Variants in ZNF420 observed in about 807,000 individuals in gnomAD.
ZNF420 encodes zinc finger protein 420.
Under a neutral mutation model 44.7 loss-of-function variants are expected in ZNF420, and 31 were observed. The ratio of observed to expected loss-of-function variants is 0.69; its 90% CI spans 0.52 to 0.94. The LOEUF is 0.94. ZNF420 is among the 40% of genes least tolerant of loss of function. The pLI, the probability that ZNF420 is intolerant of heterozygous loss-of-function variation, is 0.00. For missense variants in ZNF420, 681 were observed against 827.9 expected (o/e 0.82, Z 2.18); for synonymous variants, 245 against 267.4 (o/e 0.92, Z 0.82).
At chr19:37,018,239 G>T (rs115903578) in intron 1 of ZNF420, among the ~76,000 whole-genome samples, 1 of 152,278 alleles carries the variant, frequency 6.6e-6, no homozygotes, top group African/African-American at 2.4e-5. Context: ...GCCATCTACA[G>T]ATTTCATGTA....
Position 37,129,939 on chromosome 19 carries a change from A to G in ZNF420, c.*881A>G. On this transcript the variant is annotated 3_prime_UTR_variant, in exon 5 of 5. Coordinates refer to ENST00000337995, the MANE Select transcript of ZNF420 (RefSeq NM_144689.5). ...AACTGATATTACAGACTATTTTGCA[A>G]TGAAAAATGATGAGAGTTTGTGATA... 3 of 1,383,816 alleles carry G rather than the reference A, an allele frequency of 2.2e-6. No individual in the cohort carries two copies. Among genetic ancestry groups the G allele is most frequent in the Non-Finnish European group, 2.8e-6 (3 of 1,059,734 alleles). 85.7% of individuals were successfully genotyped at this position (1,383,816 alleles called of 1,614,324 possible).
intron 3 of ZNF420, 130 bp downstream of exon 3, chr19:37,089,257 T>C (rs1968999479): frequency 1.2e-6 from 1 of 802,322 alleles, no homozygotes; most frequent in African/African-American, 1.7e-5. Context: ...GTTTGTCCCA[T>C]TCTGATAAGT....
chr19:37,127,634 A>G lies in ZNF420; in HGVS notation c.643A>G (p.Arg215Gly). 1 of 1,614,072 alleles carries G rather than the reference A, an allele frequency of 6.2e-7. No individual in the cohort carries two copies. The highest frequency in any genetic ancestry group is 8.5e-7 in the Non-Finnish European group (1 of 1,179,956). The change falls in exon 5 of 5, where the codon AGA (arginine) becomes GGA (glycine). Residue 215 changes from arginine (R) to glycine (G), a missense_variant. Physicochemically the swap from Arg to Gly is moderately radical, Grantham distance 125. Coordinates refer to ENST00000337995, the MANE Select transcript of ZNF420 (RefSeq NM_144689.5). ...AAGCTCACAACTTATTTTACATCAT[A>G]GAATTCATACTGGTGAAAAACCATA... ...TQSSQLILHH[R>G]IHTGEKPYKC...
At chr19:37,069,316 A>G (rs1018867068) in intron 1 of ZNF420, among the ~76,000 whole-genome samples, 7 of 152,168 alleles carry the variant, frequency 4.6e-5, no homozygotes, top group Admixed American at 1.3e-4. Flanking sequence ...AAAGACCTAT[A>G]TAGTTAAGAA....
At chr19:37,055,925 T>C (rs1024436982) in intron 1 of ZNF420, among the ~76,000 whole-genome samples, 1 of 152,174 alleles carries the variant, frequency 6.6e-6, no homozygotes, top group Admixed American at 6.5e-5. Context: ...AGGAAGCGTC[T>C]GCCTGTGTGC....
chr19:37,127,661 A>G lies in ZNF420; in HGVS notation c.670A>G (p.Lys224Glu). ...HRIHTGEKPY[K>E]CEECGKAFIR... ...AATTCATACTGGTGAAAAACCATAT[A>G]AATGTGAAGAATGTGGGAAAGCCTT... Residue 224 changes from lysine to glutamate, a missense_variant, in exon 5 of 5, where the codon AAA becomes GAA. Lys to Glu is a moderately conservative substitution (Grantham distance 56, BLOSUM62 1). Around this residue, in one of 3 missense-constraint regions of ZNF420, gnomAD observed 350 missense variants for 382.5 expected, o/e 0.92. Transcript: ENST00000337995. 3 of 1,613,722 alleles carry G rather than the reference A, an allele frequency of 1.9e-6. No homozygotes were observed. Among genetic ancestry groups the G allele is most frequent in the Non-Finnish European group, 2.5e-6 (3 of 1,179,858 alleles).
At chr19:37,092,941 G>A (rs544875948) in intron 4 of ZNF420, 1 of 152,060 alleles carries the variant, frequency 6.6e-6, no homozygotes, top group Non-Finnish European at 1.5e-5. Context: ...GCAATAAAAA[G>A]GAATGAAGTT....
intron 1 of ZNF420, among the ~76,000 whole-genome samples, chr19:37,031,505 T>C (rs1284687468): frequency 6.6e-6 from 1 of 152,054 alleles, no homozygotes; most frequent in Admixed American, 6.6e-5. Flanking sequence ...TTATGCATTT[T>C]CTTTTCTTTA....
chr19:37,050,263 G>A (rs577245282), intron 1 of ZNF420, among the ~76,000 whole-genome samples: 2 of 152,270 alleles, frequency 1.3e-5, no homozygotes, highest in South Asian at 2.1e-4. Context: ...AAAGTCATTG[G>A]TGGCTTGATG....
chr19:37,059,669 G>C (rs1967833529), intron 1 of ZNF420, among the ~76,000 whole-genome samples: 1 of 152,198 alleles, frequency 6.6e-6, no homozygotes, highest in South Asian at 2.1e-4. Flanking sequence ...CTCGAGGACA[G>C]GTCTGCCTGT....
At chr19:37,070,629 C>T (rs1380474104) in intron 1 of ZNF420, among the ~76,000 whole-genome samples, 1 of 151,928 alleles carries the variant, frequency 6.6e-6, no homozygotes, top group African/African-American at 2.4e-5. Flanking sequence ...GAGGAAGGGC[C>T]AATAAACAAG....
chr19:37,128,448 G>T lies in ZNF420; in HGVS notation c.1457G>T (p.Arg486Leu). 1.2e-6 allele frequency: 2 copies of T among 1,613,964 alleles called. No homozygotes were observed. Among genetic ancestry groups the T allele is most frequent in the South Asian group, 2.2e-5 (2 of 91,082 alleles). Residue 486 changes from arginine to leucine, a missense_variant, in exon 5 of 5, where the codon CGT becomes CTT. By Grantham distance (102) the Arg-to-Leu change is moderately radical (BLOSUM62 -2). Transcript: ENST00000337995. Reference sequence around the variant, plus strand: ...AAGGAATGTGGGAAATCTTTTATTCGTGGTTCCCAGCTTACTCAACATCAG... The same window carrying T: ...AAGGAATGTGGGAAATCTTTTATTCTTGGTTCCCAGCTTACTCAACATCAG... Reference protein sequence around the residue: ...ECKECGKSFIRGSQLTQHQRI... With the variant: ...ECKECGKSFILGSQLTQHQRI...
intron 1 of ZNF420, among the ~76,000 whole-genome samples, chr19:37,009,254 C>A (rs1205829253): frequency 1.3e-5 from 2 of 152,180 alleles, no homozygotes; most frequent in African/African-American, 4.8e-5. Flanking sequence ...TGCGTTAGGG[C>A]TACCTAGGCG....
chr19:37,081,700 A>AT (rs35066350), intron 2 of ZNF420, among the ~76,000 whole-genome samples: 20,646 of 67,058 alleles, frequency 0.31, 3,624 homozygotes, highest in Non-Finnish European at 0.4. Context: ...TAATTTTTGT[A>AT]TTTTTTTTTT....
At chr19:37,027,825 C>G (rs113400767) in intron 1 of ZNF420, among the ~76,000 whole-genome samples, 1,882 of 152,126 alleles carry the variant, frequency 0.012, 50 homozygotes, top group African/African-American at 0.044. Flanking sequence ...TATGCATTTC[C>G]CTATTGTAGG....
chr19:37,057,009 G>T (rs1362689409), intron 1 of ZNF420, among the ~76,000 whole-genome samples: 1 of 152,276 alleles, frequency 6.6e-6, no homozygotes, highest in Non-Finnish European at 1.5e-5. Context: ...GCGCATGCGC[G>T]AAGCGCCAGC....
chr19:37,019,859 A>G (rs1234803630), intron 1 of ZNF420, among the ~76,000 whole-genome samples: 2 of 152,160 alleles, frequency 1.3e-5, no homozygotes, highest in Non-Finnish European at 2.9e-5. Flanking sequence ...GCAGTTTCAA[A>G]GAGATATTTG....
intron 3 of ZNF420, 125 bp from the exon 4 acceptor site, chr19:37,090,870 A>T: frequency 1.1e-6 from 1 of 941,402 alleles, no homozygotes; most frequent in South Asian, 1.7e-5. Flanking sequence ...CAGCGTGCCG[A>T]GATCGCGCCA....
At chr19:37,025,523 C>G (rs1413996167) in intron 1 of ZNF420, among the ~76,000 whole-genome samples, 1 of 152,066 alleles carries the variant, frequency 6.6e-6, no homozygotes, top group African/African-American at 2.4e-5. Context: ...GACTAATGGA[C>G]AGGTGGTCTT....
Sources: allele counts gnomAD v4.1 joint callset (sites outside exome capture counted in the v4.1 genomes callset), GRCh38; gene constraint gnomAD v4.1.1; regional missense constraint gnomAD v4.1.1; transcripts MANE v1.5; gene names NCBI Gene and HGNC (gene_info 2026-07-23, HGNC 2026-07-21).